Variants in FASTKD2 observed in about 807,000 individuals in gnomAD.
FASTKD2 encodes FAST kinase domain-containing protein 2, mitochondrial.
FASTKD2 carries 51 observed loss-of-function variants against 63.6 expected under a neutral mutation model. The observed-to-expected ratio is 0.80, with a 90% CI of 0.64 to 1.01. The LOEUF (loss-of-function observed/expected upper bound fraction) is 1.01, where lower values mean the gene tolerates loss of function less well. Ranked by LOEUF, FASTKD2 falls within the 50% of genes least tolerant of loss-of-function variation. The pLI is 0.00. For missense variants in FASTKD2, 786 were observed against 831.1 expected (o/e 0.95, Z 0.67); for synonymous variants, 284 against 293.4 (o/e 0.97, Z 0.33).
chr2:206,768,160 C>G (rs1007355887), intron 2 of FASTKD2, among the ~76,000 whole-genome samples: 29 of 152,228 alleles, frequency 1.9e-4, no homozygotes, highest in African/African-American at 7.0e-4. Context: ...AATGGGAATC[C>G]GTTGAAGAAT....
intron 7 of FASTKD2, among the ~76,000 whole-genome samples, chr2:206,776,747 C>T (rs143826692): frequency 6.6e-6 from 1 of 151,984 alleles, no homozygotes; most frequent in East Asian, 1.9e-4. Flanking sequence ...ACTTCTAGCT[C>T]TGTTCTTTTT....
rs190959530 is a variant in FASTKD2, at chr2:206,766,158, G to A, written c.-51+411G>A. 2.4e-3 allele frequency among the ~76,000 whole-genome samples: 365 copies of A among 151,202 alleles called. 2 individuals carry two copies. Among genetic ancestry groups the A allele is most frequent in the African/African-American group, 8.4e-3 (345 of 41,124 alleles). The stretch of plus-strand genomic sequence containing the variant: ...GCCTGTAATCCCAGCTACTTGGGAG[G>A]CTGAGACAGGAGAATTGCTTGAACC... On this transcript the variant is annotated intron_variant, in intron 1 of 11. Coordinates refer to ENST00000402774, the MANE Select transcript of FASTKD2 (RefSeq NM_001136193.2).
chr2:206,766,979 A>G lies in FASTKD2; in HGVS notation c.286A>G (p.Ser96Gly), dbSNP rs1483911927. The part of the protein sequence containing the change: ...SDVGFQTKGI[S>G]TLTALRIERL... ...TGTTGGCTTTCAAACAAAGGGCATA[A>G]GCACTCTAACAGCCCTTAGAATTGA... The change falls in exon 2 of 12, where the codon AGC becomes GGC. Residue 96 changes from serine (S) to glycine (G), a missense_variant. By Grantham distance (56) the Ser-to-Gly change is moderately conservative (BLOSUM62 0). Coordinates refer to ENST00000402774, the MANE Select transcript of FASTKD2 (RefSeq NM_001136193.2). The G allele has an allele frequency of 4.3e-6, 7 of 1,612,190 alleles. No individual in the cohort carries two copies. In the Admixed American group the frequency reaches 1.2e-4, roughly 27 times the overall value.
chr2:206,771,131 C>T, intron 3 of FASTKD2, 51 bp from the exon 4 acceptor site: 1 of 1,138,540 alleles, frequency 8.8e-7, no homozygotes, highest in Non-Finnish European at 1.3e-6. Context: ...TAAGATTTTT[C>T]TTCTGCTTTG....
chr2:206,772,381 C>T, intron 6 of FASTKD2, 61 bp downstream of exon 6: 1 of 1,464,276 alleles, frequency 6.8e-7, no homozygotes, highest in Non-Finnish European at 9.5e-7. Flanking sequence ...ATTCATGTAG[C>T]ATTTTAAGTA....
chr2:206,791,469 G>C, intron 11 of FASTKD2: 1 of 550,944 alleles, frequency 1.8e-6, no homozygotes, highest in Non-Finnish European at 3.2e-6. Flanking sequence ...ACCATTTAGA[G>C]GACCTTTAAA....
Position 206,794,607 on chromosome 2 carries a change from C to T in FASTKD2, c.*2805C>T, listed in dbSNP as rs1466449654. On this transcript the variant is annotated 3_prime_UTR_variant, in exon 12 of 12. Transcript: ENST00000402774. Reference sequence around the variant, plus strand: ...CTCAGTAGTTACCACTGAATAGAAACTTTCTTTACACAAAGCTGATTAAAC... The same window carrying T: ...CTCAGTAGTTACCACTGAATAGAAATTTTCTTTACACAAAGCTGATTAAAC... Among the ~76,000 whole-genome samples the T allele has an allele frequency of 6.6e-6, 1 of 152,116 alleles. No individual in the cohort carries two copies. Among genetic ancestry groups the T allele is most frequent in the Non-Finnish European group, 1.5e-5 (1 of 68,018 alleles).
chr2:206,770,469 C>T lies in FASTKD2; in HGVS notation c.881+275C>T, dbSNP rs139852846. On this transcript the variant is annotated intron_variant, in intron 3 of 11. Transcript: ENST00000402774. ...ATTTTAAAACATAGTACTGGCCAGGCGCAGTGACTCATGCCTGTAATCCCA... is the reference window on the plus strand; with the variant it reads ...ATTTTAAAACATAGTACTGGCCAGGTGCAGTGACTCATGCCTGTAATCCCA... 1.4e-3 allele frequency among the ~76,000 whole-genome samples: 216 copies of T among 152,172 alleles called. 1 individual carries two copies. The highest frequency in any genetic ancestry group is 0.01 in the East Asian group (53 of 5,178).
chr2:206,767,420 G>A lies in FASTKD2; in HGVS notation c.727G>A (p.Gly243Arg), dbSNP rs1222044027. The A allele has an allele frequency of 6.2e-7, 1 of 1,613,132 alleles. No homozygotes were observed. The highest frequency in any genetic ancestry group is 1.3e-5 in the African/African-American group (1 of 74,928). ...LFSLHAIVKL[G>R]IPQNTILVQT... Reference sequence around the variant, plus strand: ...CAGTCTTCACGCCATAGTGAAGCTTGGAATCCCTCAGAACACTATTTTGGT... The same window carrying A: ...CAGTCTTCACGCCATAGTGAAGCTTAGAATCCCTCAGAACACTATTTTGGT... The change falls in exon 2 of 12, where the codon GGA becomes AGA. Residue 243 changes from glycine to arginine, a missense_variant. By Grantham distance (125) the Gly-to-Arg change is moderately radical. Coordinates refer to ENST00000402774, the MANE Select transcript of FASTKD2 (RefSeq NM_001136193.2).
At chr2:206,766,562 C>T (rs996238032) in intron 1 of FASTKD2, 82 bp from the exon 2 acceptor site, 3 of 831,022 alleles carry the variant, frequency 3.6e-6, no homozygotes, top group African/African-American at 3.5e-5. Flanking sequence ...TCCCCATTTT[C>T]TCTTCTGTTA....
At chr2:206,783,201 T>A (rs1690039080) in intron 7 of FASTKD2, 1 of 151,806 alleles carries the variant, frequency 6.6e-6, no homozygotes, top group South Asian at 2.1e-4. Context: ...ATTTCCTGTG[T>A]CTTCCCTAAT....
intron 7 of FASTKD2, among the ~76,000 whole-genome samples, chr2:206,775,514 T>C (rs1358310251): frequency 6.6e-6 from 1 of 152,044 alleles, no homozygotes; most frequent in Non-Finnish European, 1.5e-5. Context: ...GCTAGTATTT[T>C]TTTTGAGGAT....
intron 7 of FASTKD2, among the ~76,000 whole-genome samples, chr2:206,781,894 G>A (rs1689994451): frequency 6.6e-6 from 1 of 151,990 alleles, no homozygotes; most frequent in South Asian, 2.1e-4. Flanking sequence ...TCCTTGTGAG[G>A]TGAGATAGAA....
chr2:206,780,764 A>G (rs1455867963), intron 7 of FASTKD2, among the ~76,000 whole-genome samples: 2 of 151,818 alleles, frequency 1.3e-5, no homozygotes, highest in Middle Eastern at 3.2e-3. Flanking sequence ...TTGTTGGTGT[A>G]CTGTAAGTGT....
At chr2:206,781,264 T>G (rs150372938) in intron 7 of FASTKD2, among the ~76,000 whole-genome samples, 3 of 151,772 alleles carry the variant, frequency 2.0e-5, no homozygotes, top group African/African-American at 7.3e-5. Flanking sequence ...ATTAATCAGC[T>G]TAGCCAGAGA....
chr2:206,777,894 A>T (rs1339417376), intron 7 of FASTKD2, among the ~76,000 whole-genome samples: 2 of 152,076 alleles, frequency 1.3e-5, no homozygotes, highest in African/African-American at 2.4e-5. Flanking sequence ...GTATTTTTCT[A>T]GGAATTTATT....
At chr2:206,783,568 T>G (rs571041855) in intron 7 of FASTKD2, among the ~76,000 whole-genome samples, 1 of 152,182 alleles carries the variant, frequency 6.6e-6, no homozygotes, top group South Asian at 2.1e-4. Flanking sequence ...TAATTAAAAC[T>G]CCAGAAACAG....
rs1172748510 is a variant in FASTKD2, at chr2:206,788,132, A to G, written c.1790A>G (p.His597Arg). Residue 597 changes from histidine (H) to arginine (R), a missense_variant, in exon 9 of 12, where the codon CAC (histidine) becomes CGC (arginine). Coordinates refer to ENST00000402774, the MANE Select transcript of FASTKD2 (RefSeq NM_001136193.2). ...GAAGGACACTTCTCAAAGGATGTGCACTTGCCACACAATTATCATATTGGT... is the reference window on the plus strand; with the variant it reads ...GAAGGACACTTCTCAAAGGATGTGCGCTTGCCACACAATTATCATATTGGT... ...GGEGHFSKDV[H>R]LPHNYHIDFE... 1.9e-6 allele frequency: 3 copies of G among 1,603,232 alleles called. No homozygotes were observed. Among genetic ancestry groups the G allele is most frequent in the Admixed American group, 1.7e-5 (1 of 59,308 alleles).
At chr2:206,771,043 ACT>A (rs1272890802) in intron 3 of FASTKD2, 137 bp from the exon 4 acceptor site, 1 of 634,734 alleles carries the variant, frequency 1.6e-6, no homozygotes, top group Non-Finnish European at 2.8e-6. Context: ...AACTACTTAC[ACT>A]CTCTCAAGCA....
Sources: allele counts gnomAD v4.1 joint callset (sites outside exome capture counted in the v4.1 genomes callset), GRCh38; gene constraint gnomAD v4.1.1; transcripts MANE v1.5; gene names NCBI Gene and HGNC (gene_info 2026-07-23, HGNC 2026-07-21).